SHC3: variants seen among roughly 807,000 people sequenced by gnomAD.
SHC3 encodes SHC adaptor protein 3.
In SHC3, 15 loss-of-function variants were observed where a neutral mutation model predicts 60.4. The observed-to-expected ratio is 0.25, with a 90% confidence interval of 0.17 to 0.38. The LOEUF (loss-of-function observed/expected upper bound fraction) is 0.38. SHC3 is among the 10% of genes least tolerant of loss of function. SHC3 has a pLI of 1.00. For missense variants in SHC3, 677 were observed against 786.1 expected, an observed-to-expected ratio of 0.86 and a Z score of 1.66; for synonymous variants, 294 against 325.9, an observed-to-expected ratio of 0.90 and a Z score of 1.05.
At position 89,038,248 on chromosome 9, in the gene SHC3, G is replaced by T. The variant is rs146503115; in HGVS notation, c.1401C>A (p.Pro467=). The change falls in exon 11 of 12, where the codon CCC becomes CCA. Residue 467 remains proline, a synonymous_variant. Transcript: ENST00000375835. ...EDALKNQPLG[P]VLSKAASVEC... ...CCACGGAGGCTGCCTTGCTTAACAC[G>T]GGCCCCAAGGGCTGGTTCTTGAGAG... 3 of 1,613,630 alleles carry T rather than the reference G, an allele frequency of 1.9e-6. No homozygotes were observed. The highest frequency in any genetic ancestry group is 2.5e-6 in the Non-Finnish European group (3 of 1,179,912).
chr9:89,126,200 G>C (rs975052032), intron 1 of SHC3, among the ~76,000 whole-genome samples: 3 of 152,166 alleles, frequency 2.0e-5, no homozygotes, highest in Non-Finnish European at 4.4e-5. Context: ...GATAGGGTTA[G>C]AGACCCAACT....
chr9:89,065,720 GCC>G, intron 5 of SHC3, 140 bp from the exon 6 acceptor site: 1 of 812,840 alleles, frequency 1.2e-6, no homozygotes, highest in Non-Finnish European at 2.0e-6. Context: ...CTAAGAAACA[GCC>G]CCCAGAAGAT....
At chr9:89,146,917 T>C (rs1047087215) in intron 1 of SHC3, among the ~76,000 whole-genome samples, 10 of 152,178 alleles carry the variant, frequency 6.6e-5, no homozygotes, top group Non-Finnish European at 1.3e-4. Context: ...AAGCTGAACA[T>C]GTGCATGTCC....
At chr9:89,069,693 C>T (rs1195620561) in intron 5 of SHC3, among the ~76,000 whole-genome samples, 3 of 152,258 alleles carry the variant, frequency 2.0e-5, no homozygotes, top group African/African-American at 7.2e-5. Context: ...CCAAGCCTCT[C>T]CACGGCAGCT....
intron 11 of SHC3, among the ~76,000 whole-genome samples, chr9:89,035,855 GTGTGTGTGT>G (rs1482410257): frequency 2.0e-5 from 2 of 97,684 alleles, no homozygotes; most frequent in Admixed American, 1.1e-4. Context: ...ATATAGATGT[GTGTGTGTGT>G]GTGTGTGTGT....
rs1376514276 is a variant in SHC3, at chr9:89,007,315, C to A, written c.*6132G>T. ...TGCAGTGCGAAGCCTCCAGAGTCCC[C>A]AGACTGACCTGGGCACTCCACCCTT... On this transcript the variant is annotated 3_prime_UTR_variant, in exon 12 of 12. Coordinates refer to ENST00000375835, the MANE Select transcript of SHC3 (RefSeq NM_016848.6). 2.0e-5 allele frequency: 3 copies of A among 152,416 alleles called. No individual in the cohort carries two copies. The highest frequency in any genetic ancestry group is 1.3e-4 in the Admixed American group (2 of 15,312). 9.4% of individuals were successfully genotyped at this position (152,416 alleles called of 1,614,324 possible). A position where few individuals can be genotyped will look rare whatever the true frequency, so the allele number is the denominator to read the frequency against.
intron 6 of SHC3, among the ~76,000 whole-genome samples, chr9:89,060,741 T>C (rs1260216391): frequency 6.6e-6 from 1 of 152,002 alleles, no homozygotes; most frequent in Non-Finnish European, 1.5e-5. Context: ...CTGTCTGCCA[T>C]GTGGACAAAA....
chr9:89,018,845 C>A (rs1448138036), intron 11 of SHC3, among the ~76,000 whole-genome samples: 2 of 151,516 alleles, frequency 1.3e-5, no homozygotes, highest in Non-Finnish European at 2.9e-5. Context: ...CATTTGAGGT[C>A]AGGAGTTTAA....
intron 1 of SHC3, among the ~76,000 whole-genome samples, chr9:89,135,108 T>C (rs1826300108): frequency 6.6e-6 from 1 of 152,180 alleles, no homozygotes; most frequent in South Asian, 2.1e-4. Context: ...ACAACAATCA[T>C]GTTTTCTTTT....
intron 2 of SHC3, among the ~76,000 whole-genome samples, chr9:89,102,205 C>A (rs1341765618): frequency 6.6e-6 from 1 of 152,096 alleles, no homozygotes; most frequent in African/African-American, 2.4e-5. Context: ...ATTTGAACTT[C>A]TCTCTCTCTT....
chr9:89,124,166 C>T (rs924869714), intron 1 of SHC3, among the ~76,000 whole-genome samples: 1 of 151,632 alleles, frequency 6.6e-6, no homozygotes, highest in African/African-American at 2.4e-5. Context: ...GTTAGAATGG[C>T]TTTCATTAAA....
intron 11 of SHC3, among the ~76,000 whole-genome samples, chr9:89,022,048 T>C (rs1021611294): frequency 1.3e-5 from 2 of 152,012 alleles, no homozygotes; most frequent in African/African-American, 4.8e-5. Context: ...AAAGGCACAA[T>C]GTCAATGAGA....
At position 89,077,877 on chromosome 9, in the gene SHC3, G is replaced by C; in HGVS notation, c.572C>G (p.Ala191Gly). ...TREAISRVCEAVPGAKGAFKK... is the reference protein window; with the variant it reads ...TREAISRVCEGVPGAKGAFKK... Reference sequence around the variant, plus strand: ...GAAGGCTCCCTTCGCACCAGGCACAGCTTCACAGACGCGGCTGATGGCTTC... The same window carrying C: ...GAAGGCTCCCTTCGCACCAGGCACACCTTCACAGACGCGGCTGATGGCTTC... Residue 191 changes from alanine (A) to glycine (G), a missense_variant, in exon 3 of 12, where the codon GCT becomes GGT. Coordinates refer to ENST00000375835, the MANE Select transcript of SHC3 (RefSeq NM_016848.6). 6.2e-7 allele frequency: 1 copy of C among 1,614,232 alleles called. No individual in the cohort carries two copies. The highest frequency in any genetic ancestry group is 8.5e-7 in the Non-Finnish European group (1 of 1,180,032).
At chr9:89,146,721 C>A (rs753112672) in intron 1 of SHC3, among the ~76,000 whole-genome samples, 1 of 152,116 alleles carries the variant, frequency 6.6e-6, no homozygotes, top group East Asian at 1.9e-4. Context: ...CTAGTTTAAA[C>A]GTGTGCATTA....
intron 11 of SHC3, among the ~76,000 whole-genome samples, chr9:89,034,349 G>A (rs1324955316): frequency 1.3e-5 from 2 of 152,156 alleles, no homozygotes; most frequent in Admixed American, 1.3e-4. Flanking sequence ...ATGGATGAAT[G>A]AAATTTTTTA....
chr9:89,128,526 G>T lies in SHC3; in HGVS notation c.475-15900C>A, dbSNP rs555976690. Reference sequence around the variant, plus strand: ...TAGGGGCCGACTGACACCTCATACAGCTCGGTGCCCCTCTGAGATGAAGTT... The same window carrying T: ...TAGGGGCCGACTGACACCTCATACATCTCGGTGCCCCTCTGAGATGAAGTT... On this transcript the variant is annotated intron_variant, in intron 1 of 11. Coordinates refer to ENST00000375835, the MANE Select transcript of SHC3 (RefSeq NM_016848.6). Among the ~76,000 whole-genome samples, 14 of 152,256 alleles carry T rather than the reference G, an allele frequency of 9.2e-5. No individual in the cohort carries two copies. The South Asian group carries it at 1.2e-3, about 14-fold the overall frequency.
At chr9:89,124,454 A>T (rs559842114) in intron 1 of SHC3, among the ~76,000 whole-genome samples, 1 of 152,324 alleles carries the variant, frequency 6.6e-6, no homozygotes, top group African/African-American at 2.4e-5. Context: ...CCCATCAATG[A>T]TACACTGGAT....
intron 7 of SHC3, among the ~76,000 whole-genome samples, chr9:89,049,060 T>G (rs1228885356): frequency 6.6e-6 from 1 of 152,064 alleles, no homozygotes; most frequent in Non-Finnish European, 1.5e-5. Flanking sequence ...AGGAGATCGA[T>G]ACCATCCTGG....
intron 4 of SHC3, among the ~76,000 whole-genome samples, chr9:89,072,446 T>G (rs1037156610): frequency 5.3e-5 from 8 of 152,104 alleles, no homozygotes; most frequent in African/African-American, 1.9e-4. Context: ...ATCTTCCATT[T>G]TATCCCATTA....
Sources: allele counts gnomAD v4.1 joint callset (sites outside exome capture counted in the v4.1 genomes callset), GRCh38; gene constraint gnomAD v4.1.1; transcripts MANE v1.5; gene names NCBI Gene and HGNC (gene_info 2026-07-23, HGNC 2026-07-21).